WIPF2: variants seen among roughly 807,000 people sequenced by gnomAD.
WIPF2 encodes WAS/WASL-interacting protein family member 2.
In WIPF2, 23 loss-of-function variants were observed where a neutral mutation model predicts 38.8. The observed-to-expected ratio is 0.59, with a 90% CI of 0.43 to 0.84. WIPF2 has a LOEUF of 0.84. Among genes scored for constraint, WIPF2 ranks in the 40% least tolerant of loss-of-function variants. WIPF2 has a pLI of 0.00. For missense variants in WIPF2, 574 were observed against 580.5 expected (o/e 0.99, Z 0.11); for synonymous variants, 210 against 223.2 (o/e 0.94, Z 0.53).
intron 1 of WIPF2, among the ~76,000 whole-genome samples, chr17:40,246,834 C>G (rs560114331): frequency 6.7e-6 from 1 of 150,306 alleles, no homozygotes; most frequent in African/African-American, 2.4e-5. Context: ...ATTTGTTGGC[C>G]GGGCGTGGCG....
intron 4 of WIPF2, among the ~76,000 whole-genome samples, 162 bp from the exon 5 acceptor site, chr17:40,264,326 CAA>C (rs772320240): frequency 7.6e-3 from 181 of 23,954 alleles, no homozygotes; most frequent in South Asian, 0.045. Context: ...AACTTCGTCT[CAA>C]AAAAAAAAAA....
intron 1 of WIPF2, among the ~76,000 whole-genome samples, chr17:40,247,087 C>T (rs927595261): frequency 4.6e-5 from 7 of 151,562 alleles, no homozygotes; most frequent in African/African-American, 1.7e-4. Context: ...GCACTCCAAC[C>T]TGGGTGACAG....
In WIPF2 at chr17:40,277,144, T is replaced by C; in HGVS notation, c.1242T>C (p.Tyr414=). 1 of 1,613,574 alleles carries C rather than the reference T, an allele frequency of 6.2e-7. No individual in the cohort carries two copies. Among genetic ancestry groups the C allele is most frequent in the Non-Finnish European group, 8.5e-7 (1 of 1,179,792 alleles). ...AAGACTTTCCTGCTCCAGAAGAATA[T>C]AAACACTTTCAGAGGATATATCCCA... ...PVEDFPAPEE[Y]KHFQRIYPSK... Residue 414 remains tyrosine, a synonymous_variant, in exon 7 of 8, where the codon TAT becomes TAC. Transcript: ENST00000323571.
Position 40,278,534 on chromosome 17 carries a change from T to C in WIPF2, c.*309T>C. The C allele has an allele frequency of 2.6e-6, 1 of 379,944 alleles. No individual in the cohort carries two copies. The highest frequency in any genetic ancestry group is 4.9e-6 in the Non-Finnish European group (1 of 205,952). 23.5% of individuals were successfully genotyped at this position (379,944 alleles called of 1,614,324 possible). A position where few individuals can be genotyped will look rare whatever the true frequency, so the allele number is the denominator to read the frequency against. Reference sequence around the variant, plus strand: ...CTTCCTCTTGGGGAAAGGTGCCTTGTTGTGATGAATTAACTCACTGTTAGG... The same window carrying C: ...CTTCCTCTTGGGGAAAGGTGCCTTGCTGTGATGAATTAACTCACTGTTAGG... On this transcript the variant is annotated 3_prime_UTR_variant, in exon 8 of 8. Coordinates refer to ENST00000323571, the MANE Select transcript of WIPF2 (RefSeq NM_133264.5).
chr17:40,251,137 A>G (rs1021449243), intron 1 of WIPF2, among the ~76,000 whole-genome samples: 25 of 151,882 alleles, frequency 1.6e-4, no homozygotes, highest in Admixed American at 7.9e-4. Context: ...GATGGTCTCA[A>G]TCTCCTGACC....
chr17:40,269,225 C>T (rs927635936), intron 5 of WIPF2, among the ~76,000 whole-genome samples: 1 of 151,980 alleles, frequency 6.6e-6, no homozygotes, highest in Non-Finnish European at 1.5e-5. Flanking sequence ...GAGGCTGAGA[C>T]GGGAGAATCG....
At position 40,264,510 on chromosome 17, in the gene WIPF2, G is replaced by A; in HGVS notation, c.334G>A (p.Ala112Thr). 2.5e-6 allele frequency: 4 copies of A among 1,614,060 alleles called. No individual in the cohort carries two copies. Among genetic ancestry groups the A allele is most frequent in the Non-Finnish European group, 3.4e-6 (4 of 1,180,006 alleles). ...DGSENLAGKP[A>T]LQIPSSRAAA... is the part of the protein sequence containing the mutation. ...TGTAGAGAACCTAGCTGGTAAGCCA[G>A]CCCTGCAAATCCCCAGTTCTCGAGC... Residue 112 changes from alanine (A) to threonine (T), a missense_variant, in exon 5 of 8, where the codon GCC becomes ACC. Physicochemically the swap from Ala to Thr is moderately conservative, Grantham distance 58. Coordinates refer to ENST00000323571, the MANE Select transcript of WIPF2 (RefSeq NM_133264.5).
intron 1 of WIPF2, among the ~76,000 whole-genome samples, chr17:40,235,569 C>CTTTTT (rs777748624): frequency 8.3e-6 from 1 of 119,894 alleles, no homozygotes; most frequent in Non-Finnish European, 1.7e-5. Flanking sequence ...GAGAGTGAGA[C>CTTTTT]TTTTTTTTTT....
At chr17:40,235,852 G>C (rs185127419) in intron 1 of WIPF2, among the ~76,000 whole-genome samples, 43 of 152,172 alleles carry the variant, frequency 2.8e-4, no homozygotes, top group African/African-American at 1.0e-3. Context: ...GGGATTACAG[G>C]CATGAGCCAC....
At chr17:40,236,216 G>A (rs926591806) in intron 1 of WIPF2, among the ~76,000 whole-genome samples, 1 of 151,970 alleles carries the variant, frequency 6.6e-6, no homozygotes, top group East Asian at 1.9e-4. Context: ...TGATCCACCC[G>A]CCTCAGCCTC....
Position 40,278,861 on chromosome 17 carries a change from C to T in WIPF2, c.*636C>T, listed in dbSNP as rs2032485304. On this transcript the variant is annotated 3_prime_UTR_variant, in exon 8 of 8. Coordinates refer to ENST00000323571, the MANE Select transcript of WIPF2 (RefSeq NM_133264.5). The stretch of plus-strand genomic sequence containing the variant: ...TTGGATATAAACACTAAATACTAAT[C>T]AGTTGAACTTAACATTTAATAAAAA... 1 of 147,274 alleles carries T rather than the reference C, an allele frequency of 6.8e-6. No individual in the cohort carries two copies. The allele number at this position is 147,274 out of a possible 1,614,324, so 9.1% of individuals were successfully genotyped here.
intron 1 of WIPF2, among the ~76,000 whole-genome samples, chr17:40,240,189 G>A (rs954122637): frequency 6.6e-6 from 1 of 151,872 alleles, no homozygotes; most frequent in African/African-American, 2.4e-5. Context: ...AGCCTCCCAA[G>A]TCGCTGGCAA....
intron 1 of WIPF2, among the ~76,000 whole-genome samples, chr17:40,221,381 A>G (rs1309785369): frequency 6.6e-6 from 1 of 152,076 alleles, no homozygotes; most frequent in African/African-American, 2.4e-5. Context: ...GTTTGTCTTA[A>G]CACATGGGAT....
chr17:40,248,475 A>G (rs1048063863), intron 1 of WIPF2, among the ~76,000 whole-genome samples: 42 of 151,968 alleles, frequency 2.8e-4, no homozygotes, highest in African/African-American at 9.9e-4. Context: ...GGCCTAAAAA[A>G]TATTTCTTAT....
Position 40,262,583 on chromosome 17 carries a change from A to T in WIPF2, c.255A>T (p.Gly85=). 6.2e-7 allele frequency: 1 copy of T among 1,614,018 alleles called. No homozygotes were observed. The highest frequency in any genetic ancestry group is 2.2e-5 in the East Asian group (1 of 44,870). Residue 85 remains glycine (G), a synonymous_variant, in exon 4 of 8, where the codon GGA becomes GGT. Transcript: ENST00000323571. The part of the protein sequence containing the change: ...GSGGAALQPK[G]GLFQGGVLKL... Reference sequence around the variant, plus strand: ...GAGGAGCTGCCCTGCAGCCCAAGGGAGGTCTCTTCCAAGGAGGAGTGCTGA... The same window carrying T: ...GAGGAGCTGCCCTGCAGCCCAAGGGTGGTCTCTTCCAAGGAGGAGTGCTGA...
chr17:40,243,221 G>T (rs2031249915), intron 1 of WIPF2, among the ~76,000 whole-genome samples: 2 of 152,016 alleles, frequency 1.3e-5, no homozygotes, highest in Non-Finnish European at 2.9e-5. Context: ...AAAATAATCT[G>T]GGGCTGGTCT....
In WIPF2 at chr17:40,278,173, G is replaced by T; in HGVS notation, c.1283-12G>T. ...CCTGTATGTGTGTGGTCTTTATTTT[G>T]TTTTTTTTCAGCTGCCCGTGGAGCC... On this transcript the variant is annotated splice_polypyrimidine_tract_variant and intron_variant, in intron 7 of 7. Coordinates refer to ENST00000323571, the MANE Select transcript of WIPF2 (RefSeq NM_133264.5). 1 of 1,610,608 alleles carries T rather than the reference G, an allele frequency of 6.2e-7. No individual in the cohort carries two copies. The highest frequency in any genetic ancestry group is 1.1e-5 in the South Asian group (1 of 90,432).
At chr17:40,257,021 C>T (rs574538509) in intron 2 of WIPF2, among the ~76,000 whole-genome samples, 2 of 152,216 alleles carry the variant, frequency 1.3e-5, no homozygotes, top group Admixed American at 6.6e-5. Context: ...CTCTGTCGCC[C>T]AGGCTGGAGT....
At chr17:40,238,137 G>A (rs538866699) in intron 1 of WIPF2, among the ~76,000 whole-genome samples, 9 of 151,484 alleles carry the variant, frequency 5.9e-5, no homozygotes, top group Non-Finnish European at 1.0e-4. Context: ...GATTACAGAC[G>A]TGAGCCACCA....
Sources: allele counts gnomAD v4.1 joint callset (sites outside exome capture counted in the v4.1 genomes callset), GRCh38; gene constraint gnomAD v4.1.1; transcripts MANE v1.5; gene names NCBI Gene and HGNC (gene_info 2026-07-23, HGNC 2026-07-21).